DEPTOR: variants seen among roughly 807,000 people sequenced by gnomAD.
DEPTOR encodes DEP domain-containing mTOR-interacting protein.
A neutral mutation model predicts 41.6 loss-of-function variants in DEPTOR; 41 were observed. That is an observed-to-expected ratio of 0.98 (90% CI 0.77 to 1.28). The LOEUF (loss-of-function observed/expected upper bound fraction) is 1.28, where lower values mean the gene tolerates loss of function less well. DEPTOR is among the 50% of genes most tolerant of loss of function. DEPTOR has a pLI of 0.00. For missense variants in DEPTOR, 514 were observed against 527.9 expected, an observed-to-expected ratio of 0.97 and a Z score of 0.26; for synonymous variants, 195 against 192.3, an observed-to-expected ratio of 1.01 and a Z score of -0.12.
At chr8:120,000,796 G>A (rs1586652346) in intron 4 of DEPTOR, among the ~76,000 whole-genome samples, 2 of 151,836 alleles carry the variant, frequency 1.3e-5, no homozygotes. Context: ...TGAATTGAGG[G>A]GCTGGGTGTG....
At chr8:119,943,058 C>T (rs1310809439) in intron 3 of DEPTOR, among the ~76,000 whole-genome samples, 1 of 152,216 alleles carries the variant, frequency 6.6e-6, no homozygotes, top group African/African-American at 2.4e-5. Flanking sequence ...CAGATCCATT[C>T]TCTATCCTTT....
intron 4 of DEPTOR, among the ~76,000 whole-genome samples, chr8:119,966,426 A>G (rs1385807083): frequency 6.6e-6 from 1 of 152,246 alleles, no homozygotes; most frequent in Non-Finnish European, 1.5e-5. Flanking sequence ...GTAAGGGCCA[A>G]GAGAACACTT....
At chr8:120,047,757 A>T (rs1429960631) in intron 8 of DEPTOR, among the ~76,000 whole-genome samples, 3 of 151,614 alleles carry the variant, frequency 2.0e-5, no homozygotes, top group Non-Finnish European at 2.9e-5. Context: ...TTAAGACTAA[A>T]TGCTGAGGCC....
chr8:119,998,684 T>A (rs967022106), intron 4 of DEPTOR, among the ~76,000 whole-genome samples: 1 of 152,130 alleles, frequency 6.6e-6, no homozygotes, highest in African/African-American at 2.4e-5. Flanking sequence ...TAAATCTCAA[T>A]GGATTTCTAA....
chr8:119,942,225 C>T (rs1188331647), intron 3 of DEPTOR, among the ~76,000 whole-genome samples: 5 of 152,260 alleles, frequency 3.3e-5, no homozygotes, highest in South Asian at 2.1e-4. Flanking sequence ...TTTTTTGAGA[C>T]GGAGTCTCAT....
intron 8 of DEPTOR, among the ~76,000 whole-genome samples, chr8:120,040,274 G>A (rs1422053065): frequency 2.6e-5 from 4 of 152,016 alleles, no homozygotes; most frequent in African/African-American, 9.7e-5. Flanking sequence ...ACTAACTTTT[G>A]GTAGAAAAAA....
rs534869926 is a variant in DEPTOR, at chr8:120,045,930, C to T, written c.1102-3646C>T. ...ACTGCCCTTTTCCTACCCCTGAACA[C>T]CTGGGTAAAGGTCCTGTGCAGAGTT... On this transcript the variant is annotated intron_variant, in intron 8 of 8. Transcript: ENST00000286234. Among the ~76,000 whole-genome samples the T allele has an allele frequency of 4.1e-4, 62 of 152,270 alleles. No homozygotes were observed. The South Asian group carries it at 0.012, about 30-fold the overall frequency.
At chr8:120,002,642 G>T (rs192327845) in intron 5 of DEPTOR, among the ~76,000 whole-genome samples, 1 of 150,280 alleles carries the variant, frequency 6.7e-6, no homozygotes, top group African/African-American at 2.4e-5. Context: ...GCCGGGCGTG[G>T]TGGCGGACAC....
chr8:120,023,955 A>T (rs1383648866), intron 8 of DEPTOR, among the ~76,000 whole-genome samples: 1 of 151,650 alleles, frequency 6.6e-6, no homozygotes, highest in African/African-American at 2.4e-5. Flanking sequence ...AACACATCTC[A>T]TTGGGCATGG....
At chr8:120,011,333 G>A (rs991734785) in intron 8 of DEPTOR, among the ~76,000 whole-genome samples, 6 of 152,186 alleles carry the variant, frequency 3.9e-5, no homozygotes, top group African/African-American at 9.7e-5. Flanking sequence ...CCCTGCTTGC[G>A]AAGGCGGTGC....
Position 119,965,263 on chromosome 8 carries a change from C to A in DEPTOR, c.457C>A (p.Pro153Thr). 1 of 1,614,050 alleles carries A rather than the reference C, an allele frequency of 6.2e-7. No homozygotes were observed. Among genetic ancestry groups the A allele is most frequent in the Non-Finnish European group, 8.5e-7 (1 of 1,180,000 alleles). ...GAGCCCTGAAAACACACTCCTGCAG[C>A]CCAGGGAGGAGGAAGGGGTCAAGTA... ...LMSPENTLLQ[P>T]REEEGVKYER... Residue 153 changes from proline (P) to threonine (T), a missense_variant, in exon 4 of 9, where the codon CCC becomes ACC. By Grantham distance (38) the Pro-to-Thr change is conservative. Coordinates refer to ENST00000286234, the MANE Select transcript of DEPTOR (RefSeq NM_022783.4).
At chr8:120,010,617 CAAA>C (rs34215920) in intron 8 of DEPTOR, among the ~76,000 whole-genome samples, 10 of 124,724 alleles carry the variant, frequency 8.0e-5, no homozygotes, top group Admixed American at 8.1e-5. Flanking sequence ...GACTCTGTCT[CAAA>C]AAAAAAAAAA....
rs36009381 is a variant in DEPTOR at position 119,971,230 on chromosome 8, CA to C, written c.604+5839del. 2.7e-3 allele frequency among the ~76,000 whole-genome samples: 297 copies of C among 109,382 alleles called. 2 individuals are homozygous for C. Among genetic ancestry groups the C allele is most frequent in the African/African-American group, 5.9e-3 (168 of 28,366 alleles). 71.8% of individuals were successfully genotyped at this position (109,382 alleles called of 152,430 possible). A position where few individuals can be genotyped will look rare whatever the true frequency, so the allele number is the denominator to read the frequency against. On this transcript the variant is annotated intron_variant, in intron 4 of 8. Coordinates refer to ENST00000286234, the MANE Select transcript of DEPTOR (RefSeq NM_022783.4). ...TGGGCAACAGAGCGAGACTCCGTCT[CA>C]AAAAAAAAAAAAAAAAAAGAAGGTT...
chr8:119,904,332 T>C (rs1827633526), intron 1 of DEPTOR, among the ~76,000 whole-genome samples: 4 of 151,998 alleles, frequency 2.6e-5, no homozygotes, highest in Admixed American at 2.6e-4. Context: ...TGGGTCAGGC[T>C]GGCCTCCAAC....
At chr8:119,876,772 G>GTC (rs1827236425) in intron 1 of DEPTOR, among the ~76,000 whole-genome samples, 1 of 152,104 alleles carries the variant, frequency 6.6e-6, no homozygotes, top group South Asian at 2.1e-4. Context: ...ATTAGCTAAG[G>GTC]TAGAGTTCTG....
intron 1 of DEPTOR, among the ~76,000 whole-genome samples, chr8:119,899,005 A>G (rs1827554530): frequency 6.6e-6 from 1 of 152,172 alleles, no homozygotes; most frequent in Non-Finnish European, 1.5e-5. Context: ...ATGAGACCAC[A>G]TGTATTGTTG....
rs566624906 is a variant in DEPTOR, at chr8:119,890,204, C to T, written c.122+16236C>T. 2.0e-5 allele frequency among the ~76,000 whole-genome samples: 3 copies of T among 152,306 alleles called. No individual in the cohort carries two copies. In the East Asian group the frequency reaches 5.8e-4, roughly 29 times the overall value. On this transcript the variant is annotated intron_variant, in intron 1 of 8. Coordinates refer to ENST00000286234, the MANE Select transcript of DEPTOR (RefSeq NM_022783.4). ...TCCTGACCTGAAGTGATCCACTCACCTTGACCTCCCAAAGTGCTGGGATTA... is the reference window on the plus strand; with the variant it reads ...TCCTGACCTGAAGTGATCCACTCACTTTGACCTCCCAAAGTGCTGGGATTA...
chr8:119,962,448 G>A, intron 3 of DEPTOR, among the ~76,000 whole-genome samples: 1 of 152,054 alleles, frequency 6.6e-6, no homozygotes, highest in Non-Finnish European at 1.5e-5. Flanking sequence ...GCATGGGAGG[G>A]TGTGGTGGGG....
intron 8 of DEPTOR, among the ~76,000 whole-genome samples, chr8:120,029,720 C>A (rs1301516969): frequency 5.9e-5 from 9 of 152,030 alleles, no homozygotes. Context: ...GGATTTTTTT[C>A]TGCTGAAAAG....
Sources: allele counts gnomAD v4.1 joint callset (sites outside exome capture counted in the v4.1 genomes callset), GRCh38; gene constraint gnomAD v4.1.1; transcripts MANE v1.5; gene names NCBI Gene and HGNC (gene_info 2026-07-23, HGNC 2026-07-21).